The following LYPLAL1 variants were observed in gnomAD, a reference collection of about 807,000 sequenced individuals.
The protein encoded by LYPLAL1 is lysophospholipase-like protein 1.
LYPLAL1 carries 23 observed loss-of-function variants against 19.7 expected under a neutral mutation model. That is an observed-to-expected ratio of 1.17 (90% CI 0.84 to 1.65). LYPLAL1 has a LOEUF of 1.65. LYPLAL1 is among the 40% of genes most tolerant of loss of function. The pLI is 0.00. For synonymous variants in LYPLAL1, 119 were observed against 96.3 expected, an observed-to-expected ratio of 1.24 and a Z score of -1.38; for missense variants, 355 against 279.4, an observed-to-expected ratio of 1.27 and a Z score of -1.93.
At chr1:219,176,515 A>G (rs1300515905) in intron 1 of LYPLAL1, among the ~76,000 whole-genome samples, 4 of 152,170 alleles carry the variant, frequency 2.6e-5, no homozygotes, top group Non-Finnish European at 4.4e-5. Context: ...TCTTACGTGA[A>G]CTGTCATCTG....
At chr1:219,180,865 T>G (rs1323796569) in intron 2 of LYPLAL1, among the ~76,000 whole-genome samples, 2 of 152,204 alleles carry the variant, frequency 1.3e-5, no homozygotes, top group Admixed American at 1.3e-4. Context: ...AATCTCCATG[T>G]GCACTAAGCA....
chr1:219,441,967 G>A, the LYPLAL1 span, among the ~76,000 whole-genome samples: 1 of 152,096 alleles, frequency 6.6e-6, no homozygotes, highest in Non-Finnish European at 1.5e-5. Context: ...CAAAAATACA[G>A]AAAATAATTC....
At chr1:219,206,721 CTCTT>C (rs1260708890) in intron 3 of LYPLAL1, among the ~76,000 whole-genome samples, 3 of 149,676 alleles carry the variant, frequency 2.0e-5, no homozygotes, top group African/African-American at 7.3e-5. Context: ...TTTTCTTTCT[CTCTT>C]TTTTTTTTTT....
the LYPLAL1 span, among the ~76,000 whole-genome samples, chr1:219,423,020 G>A: frequency 5.9e-4 from 90 of 152,100 alleles, 1 homozygote; most frequent in East Asian, 0.012. Context: ...CATCATTCAC[G>A]AAGCAGGAAA....
chr1:219,322,815 T>C, the LYPLAL1 span, among the ~76,000 whole-genome samples: 1 of 152,196 alleles, frequency 6.6e-6, no homozygotes, highest in Non-Finnish European at 1.5e-5. Flanking sequence ...AAAGTAAAAA[T>C]TGAATGCTTA....
chr1:219,315,218 G>A, the LYPLAL1 span, among the ~76,000 whole-genome samples: 41 of 152,154 alleles, frequency 2.7e-4, no homozygotes, highest in Admixed American at 2.6e-4. Flanking sequence ...TGTAAGAATC[G>A]TTAAGACGAT....
the LYPLAL1 span, among the ~76,000 whole-genome samples, chr1:219,306,769 G>C: frequency 6.6e-6 from 1 of 150,888 alleles, no homozygotes; most frequent in African/African-American, 2.4e-5. Flanking sequence ...TAGATAGATA[G>C]ATAGATAGAT....
chr1:219,324,036 C>T, the LYPLAL1 span, among the ~76,000 whole-genome samples: 9 of 152,220 alleles, frequency 5.9e-5, no homozygotes, highest in South Asian at 4.2e-4. Context: ...TCTAAATGTG[C>T]GTTTCTCTCT....
the LYPLAL1 span, among the ~76,000 whole-genome samples, chr1:219,329,995 G>A: frequency 6.6e-5 from 10 of 152,008 alleles, no homozygotes; most frequent in African/African-American, 2.4e-4. Flanking sequence ...GAGGACAGCA[G>A]ATAAATGTTA....
chr1:219,195,300 T>G (rs2125071529), intron 3 of LYPLAL1, among the ~76,000 whole-genome samples: 1 of 152,166 alleles, frequency 6.6e-6, no homozygotes, highest in South Asian at 2.1e-4. Context: ...AAAACTAATT[T>G]GGCAGAAGGG....
At chr1:219,203,087 T>TTA (rs3087012) in intron 3 of LYPLAL1, among the ~76,000 whole-genome samples, 113,099 of 151,848 alleles carry the variant, frequency 0.74, 42,861 homozygotes, top group East Asian at 0.93. Flanking sequence ...GTTGTTAACC[T>TTA]TTTATTTTGT....
At chr1:219,223,474 A>G in the LYPLAL1 span, among the ~76,000 whole-genome samples, 3 of 152,152 alleles carry the variant, frequency 2.0e-5, no homozygotes, top group East Asian at 5.8e-4. Context: ...TATTGAGTGG[A>G]CTTTTCAAAA....
the LYPLAL1 span, among the ~76,000 whole-genome samples, chr1:219,434,614 G>GA: frequency 2.6e-5 from 4 of 152,106 alleles, no homozygotes; most frequent in African/African-American, 9.7e-5. Flanking sequence ...CTCTCTACCT[G>GA]AAAAATGCCT....
intron 2 of LYPLAL1, among the ~76,000 whole-genome samples, chr1:219,190,899 G>A (rs1354317864): frequency 6.6e-6 from 1 of 151,548 alleles, no homozygotes; most frequent in Non-Finnish European, 1.5e-5. Context: ...TACGGGAGTT[G>A]CTCGTGAAGG....
the LYPLAL1 span, among the ~76,000 whole-genome samples, chr1:219,296,664 G>C: frequency 6.6e-6 from 1 of 151,986 alleles, no homozygotes; most frequent in African/African-American, 2.4e-5. Context: ...TAAATTTTTT[G>C]TTTAAAAAAA....
the LYPLAL1 span, among the ~76,000 whole-genome samples, chr1:219,441,852 A>G: frequency 4.7e-3 from 719 of 152,266 alleles, 6 homozygotes; most frequent in Non-Finnish European, 5.8e-3. Flanking sequence ...CATAGCTTCA[A>G]GGGAGTCTGG....
At chr1:219,311,485 C>A in the LYPLAL1 span, among the ~76,000 whole-genome samples, 3 of 150,962 alleles carry the variant, frequency 2.0e-5, no homozygotes, top group Non-Finnish European at 4.4e-5. Context: ...CAATCCCAAT[C>A]TTTGATGTCA....
the LYPLAL1 span, among the ~76,000 whole-genome samples, chr1:219,415,569 G>C: frequency 1.3e-5 from 2 of 152,198 alleles, no homozygotes; most frequent in African/African-American, 2.4e-5. Flanking sequence ...AAATACTAGT[G>C]AGCACATACA....
At chr1:219,346,996 T>C in the LYPLAL1 span, among the ~76,000 whole-genome samples, 1 of 152,196 alleles carries the variant, frequency 6.6e-6, no homozygotes, top group Non-Finnish European at 1.5e-5. Flanking sequence ...ATAGGTAACA[T>C]GTGTTTTTAA....
Sources: allele counts gnomAD v4.1 joint callset (sites outside exome capture counted in the v4.1 genomes callset), GRCh38; gene constraint gnomAD v4.1.1; transcripts MANE v1.5; gene names NCBI Gene and HGNC (gene_info 2026-07-23, HGNC 2026-07-21).